The following MYO19 variants were observed in gnomAD, a reference collection of about 807,000 sequenced individuals.
MYO19 encodes the protein unconventional myosin-XIX.
A neutral mutation model predicts 129.2 loss-of-function variants in MYO19; 132 were observed. That is an observed-to-expected ratio of 1.02 (90% CI 0.89 to 1.18). The LOEUF (loss-of-function observed/expected upper bound fraction) is 1.18. MYO19 is among the 50% of genes most tolerant of loss of function. MYO19 has a pLI of 0.00. For missense variants in MYO19, 1,210 were observed against 1,216.7 expected (o/e 0.99, Z 0.08); for synonymous variants, 531 against 477.2 (o/e 1.11, Z -1.47).
At chr17:36,541,223 G>A (rs1046495175) in intron 2 of MYO19, among the ~76,000 whole-genome samples, 3 of 152,188 alleles carry the variant, frequency 2.0e-5, no homozygotes, top group African/African-American at 7.2e-5. Context: ...GGGATTACAG[G>A]TGCGAGCCAC....
intron 6 of MYO19, among the ~76,000 whole-genome samples, chr17:36,523,831 C>T (rs887386515): frequency 8.5e-5 from 13 of 152,204 alleles, no homozygotes; most frequent in Middle Eastern, 3.4e-3. Context: ...TTTAAAAATA[C>T]GGATGTAAAC....
At position 36,503,361 on chromosome 17, in the gene MYO19, G is replaced by A. The variant is rs116362990; in HGVS notation, c.1977-161C>T. ...CTGAATGTGAATGTGGTTTTGAAGC[G>A]ATTTCTAGGATCACTTAGTTGGAAA... On this transcript the variant is annotated intron_variant, in intron 20 of 25. Coordinates refer to ENST00000614623, the MANE Select transcript of MYO19 (RefSeq NM_001163735.2). Among the ~76,000 whole-genome samples, 779 of 152,266 alleles carry A rather than the reference G, an allele frequency of 5.1e-3. 13 individuals carry two copies. The highest frequency in any genetic ancestry group is 0.026 in the East Asian group (135 of 5,178).
In MYO19 at chr17:36,510,758, A is replaced by G. The variant is rs371593308; in HGVS notation, c.1145T>C (p.Leu382Pro). ...AGTAACTGCTCACCGCGCATAGATC[A>G]GTTTGGCCAGGCAGTCTCTACGGGT... The part of the protein sequence containing the change: ...CDTRRDCLAK[L>P]IYARLFDWLV... Residue 382 changes from leucine (L) to proline (P), a missense_variant, in exon 13 of 26, where the codon CTG becomes CCG. By Grantham distance (98) the Leu-to-Pro change is moderately conservative. Transcript: ENST00000614623. 80 of 1,607,278 alleles carry G rather than the reference A, an allele frequency of 5.0e-5. No individual in the cohort carries two copies. Among genetic ancestry groups the G allele is most frequent in the Non-Finnish European group, 6.5e-5 (77 of 1,176,626 alleles).
chr17:36,520,839 C>T (rs1323377773), intron 6 of MYO19, among the ~76,000 whole-genome samples: 1 of 152,158 alleles, frequency 6.6e-6, no homozygotes, highest in Non-Finnish European at 1.5e-5. Flanking sequence ...AGTTAATCAG[C>T]AGTTAAATTA....
At chr17:36,514,239 C>T (rs1430576813) in intron 9 of MYO19, among the ~76,000 whole-genome samples, 1 of 152,186 alleles carries the variant, frequency 6.6e-6, no homozygotes, top group Non-Finnish European at 1.5e-5. Flanking sequence ...GGAGGTAAAA[C>T]ATACTCCCAG....
At chr17:36,543,395 T>G (rs1382400025) in exon 1 of MYO19, 1 of 152,118 alleles carries the variant, frequency 6.6e-6, no homozygotes, top group African/African-American at 2.4e-5. Context: ...CCTCAAGTAA[T>G]CCACCCACCT....
intron 13 of MYO19, chr17:36,510,040 T>C (rs1871806193): frequency 6.6e-6 from 1 of 152,308 alleles, no homozygotes; most frequent in Admixed American, 6.5e-5. Flanking sequence ...TGGCTCTTTG[T>C]GGAGTTTATG....
intron 13 of MYO19, chr17:36,509,355 C>T (rs946867936): frequency 3.4e-6 from 2 of 593,726 alleles, no homozygotes; most frequent in South Asian, 2.0e-5. Flanking sequence ...ACACACAAAC[C>T]TGGCATGTCC....
chr17:36,511,380 T>C lies in MYO19; in HGVS notation c.970A>G (p.Met324Val), dbSNP rs750630854. 6.3e-7 allele frequency: 1 copy of C among 1,577,288 alleles called. No homozygotes were observed. The highest frequency in any genetic ancestry group is 8.6e-7 in the Non-Finnish European group (1 of 1,161,606). The change falls in exon 12 of 26, where the codon ATG becomes GTG. Residue 324 changes from methionine (M) to valine (V), a missense_variant. By Grantham distance (21) the Met-to-Val change is conservative. Transcript: ENST00000614623. ...SEDEAQPCQP[M>V]DDAKYSVRTA... ...TGACCCTCACACTTGGCATCATCCA[T>C]CGGCTGGCAGGGCTGGGCTTCATCC...
chr17:36,519,639 C>A (rs537067005), intron 6 of MYO19, among the ~76,000 whole-genome samples: 358 of 133,098 alleles, frequency 2.7e-3, no homozygotes, highest in South Asian at 3.1e-3. Flanking sequence ...TCTAAAGAGA[C>A]AAAAAAAAAA....
chr17:36,508,456 CCT>C lies in MYO19; in HGVS notation c.1232-534_1232-533del, dbSNP rs372657373. The C allele has an allele frequency of 5.5e-3, 857 of 155,826 alleles. 5 individuals are homozygous for C. Among genetic ancestry groups the C allele is most frequent in the African/African-American group, 0.017 (726 of 41,524 alleles). 9.7% of individuals were successfully genotyped at this position (155,826 alleles called of 1,614,324 possible). A position where few individuals can be genotyped will look rare whatever the true frequency, so the allele number is the denominator to read the frequency against. On this transcript the variant is annotated intron_variant, in intron 14 of 25. Coordinates refer to ENST00000614623, the MANE Select transcript of MYO19 (RefSeq NM_001163735.2). ...CCCCAAGTCTTTTTTTGTTCTCCCC[CCT>C]GAGATAGGGTCTTGCTCTGTTGACC... is the stretch of plus-strand genomic sequence containing the variant.
At chr17:36,539,982 A>G (rs1484932366) in intron 2 of MYO19, among the ~76,000 whole-genome samples, 2 of 151,936 alleles carry the variant, frequency 1.3e-5, no homozygotes, top group South Asian at 2.1e-4. Context: ...GGCAGAGAAC[A>G]TTATAGATGG....
chr17:36,532,642 G>T lies in MYO19; in HGVS notation c.-104C>A. On this transcript the variant is annotated 5_prime_UTR_variant, in exon 3 of 26. Coordinates refer to ENST00000614623, the MANE Select transcript of MYO19 (RefSeq NM_001163735.2). The stretch of plus-strand genomic sequence containing the variant: ...GGCTGGGGTATGGTTCCAACAAAGG[G>T]CTCAGTTCTGGAGGAATCTCAGACA... 7.3e-7 allele frequency: 1 copy of T among 1,372,232 alleles called. No homozygotes were observed. The highest frequency in any genetic ancestry group is 1.0e-6 in the Non-Finnish European group (1 of 985,104). The allele number at this position is 1,372,232 out of a possible 1,614,324, so 85.0% of individuals were successfully genotyped here.
intron 4 of MYO19, 47 bp from the exon 5 acceptor site, chr17:36,527,746 A>C: frequency 6.3e-7 from 1 of 1,576,140 alleles, no homozygotes; most frequent in East Asian, 2.2e-5. Context: ...ATATAGTCAA[A>C]CCACACACAC....
At position 36,500,880 on chromosome 17, in the gene MYO19, C is replaced by G. The variant is rs759876914; in HGVS notation, c.2327G>C (p.Arg776Pro). Reference sequence around the variant, plus strand: ...CCACTGCCGCTCCTGCTCTCGGTGCCGGTGTCGCCTCCAGCCACCCTGGAT... The same window carrying G: ...CCACTGCCGCTCCTGCTCTCGGTGCGGGTGTCGCCTCCAGCCACCCTGGAT... ...RCIQGGWRRH[R>P]HREQERQWRA... is the part of the protein sequence containing the mutation. Residue 776 changes from arginine (R) to proline (P), a missense_variant, in exon 23 of 26, where the codon CGG becomes CCG. Transcript: ENST00000614623. 6.2e-7 allele frequency: 1 copy of G among 1,606,168 alleles called. No individual in the cohort carries two copies. The highest frequency in any genetic ancestry group is 8.5e-7 in the Non-Finnish European group (1 of 1,179,198).
chr17:36,503,170 G>A lies in MYO19; in HGVS notation c.2007C>T (p.Tyr669=). The change falls in exon 21 of 26, where the codon TAC becomes TAT. Residue 669 remains tyrosine (Y), a synonymous_variant. Coordinates refer to ENST00000614623, the MANE Select transcript of MYO19 (RefSeq NM_001163735.2). ...AAGGATGAAGCCTTCTTAGTAACTT[G>A]TATCGTTCTACAAAGTTTCGGTGAG... The part of the protein sequence containing the change: ...RVSHRNFVER[Y]KLLRRLHPCT... 6.2e-7 allele frequency: 1 copy of A among 1,614,032 alleles called. No homozygotes were observed. The highest frequency in any genetic ancestry group is 1.7e-5 in the Admixed American group (1 of 60,026).
intron 6 of MYO19, among the ~76,000 whole-genome samples, chr17:36,521,181 A>G (rs2073107987): frequency 6.6e-6 from 1 of 152,220 alleles, no homozygotes; most frequent in Non-Finnish European, 1.5e-5. Flanking sequence ...GGATCCCACA[A>G]GTTTAAAAAG....
chr17:36,497,646 G>A lies in MYO19; in HGVS notation c.2757+620C>T, dbSNP rs974252792. Reference sequence around the variant, plus strand: ...GTCACCCAGGCTGGAGTGCAGCGGCGCAATCTCGGCTCACTGCAACCTCTC... The same window carrying A: ...GTCACCCAGGCTGGAGTGCAGCGGCACAATCTCGGCTCACTGCAACCTCTC... On this transcript the variant is annotated intron_variant, in intron 25 of 25. Coordinates refer to ENST00000614623, the MANE Select transcript of MYO19 (RefSeq NM_001163735.2). 44 of 617,736 alleles carry A rather than the reference G, an allele frequency of 7.1e-5. 2 individuals carry two copies. In the African/African-American group the frequency reaches 7.2e-4, roughly 10 times the overall value. 38.3% of individuals were successfully genotyped at this position (617,736 alleles called of 1,614,324 possible). A position where few individuals can be genotyped will look rare whatever the true frequency, so the allele number is the denominator to read the frequency against.
chr17:36,507,343 C>G, intron 16 of MYO19, 56 bp downstream of exon 16: 4 of 1,518,424 alleles, frequency 2.6e-6, no homozygotes, highest in Non-Finnish European at 3.6e-6. Context: ...ATCATCAAGG[C>G]CCCAGAAAAC....
Sources: gnomAD v4.1 joint callset for allele counts (sites outside exome capture counted in the v4.1 genomes callset) on GRCh38, gnomAD v4.1.1 for gene constraint, MANE v1.5 for transcripts, NCBI Gene and HGNC (gene_info 2026-07-23, HGNC 2026-07-21) for gene names.